STK33: variants seen among roughly 807,000 people sequenced by gnomAD.
STK33 encodes the protein serine/threonine-protein kinase 33.
Under a neutral mutation model 58.0 loss-of-function variants are expected in STK33, and 52 were observed. The ratio of observed to expected loss-of-function variants is 0.90; its 90% CI spans 0.72 to 1.13. The LOEUF is 1.13. STK33 is among the 50% of genes most tolerant of loss of function. The pLI, the probability that STK33 is intolerant of heterozygous loss-of-function variation, is 0.00. For missense variants in STK33, 630 were observed against 604.2 expected (o/e 1.04, Z -0.45); for synonymous variants, 215 against 200.1 (o/e 1.07, Z -0.63).
chr11:8,539,788 A>G (rs1955360762), intron 1 of STK33, among the ~76,000 whole-genome samples: 1 of 152,218 alleles, frequency 6.6e-6, no homozygotes, highest in African/African-American at 2.4e-5. Flanking sequence ...AGGTTACATT[A>G]CACCCTTAAT....
intron 1 of STK33, among the ~76,000 whole-genome samples, chr11:8,585,694 G>A (rs960930177): frequency 4.6e-5 from 7 of 151,970 alleles, no homozygotes; most frequent in African/African-American, 9.7e-5. Flanking sequence ...CAGATTGCTT[G>A]AGCCCAGGAG....
At chr11:8,336,092 T>G in the STK33 span, among the ~76,000 whole-genome samples, 8,557 of 152,176 alleles carry the variant, frequency 0.056, 762 homozygotes, top group African/African-American at 0.19. Context: ...CCCAGGGCAC[T>G]GAGATGGAAG....
At chr11:8,583,661 C>G (rs2030869613) in intron 1 of STK33, among the ~76,000 whole-genome samples, 1 of 151,966 alleles carries the variant, frequency 6.6e-6, no homozygotes, top group African/African-American at 2.4e-5. Context: ...TGTAATATGA[C>G]CAAAACTTTC....
intron 1 of STK33, among the ~76,000 whole-genome samples, chr11:8,582,565 A>G (rs1246145189): frequency 6.6e-6 from 1 of 152,180 alleles, no homozygotes; most frequent in Non-Finnish European, 1.5e-5. Context: ...TCTCACGAGA[A>G]CAGCATCAGG....
chr11:8,361,662 G>A, the STK33 span, among the ~76,000 whole-genome samples: 3 of 152,184 alleles, frequency 2.0e-5, no homozygotes, highest in Non-Finnish European at 2.9e-5. The surrounding 1 kb of genome is among the most constrained non-coding windows in gnomAD (Gnocchi z 4.8). Flanking sequence ...AGCCTAGCTT[G>A]TCTCCTCTGC....
rs896766964 is a variant in STK33 at position 8,430,746 on chromosome 11, G to A, written c.1146+4748C>T. ...GGGACCATGCCAGACTGATCCTTGT[G>A]TCCTCCAAAGCACATAGTAGCTATC... On this transcript the variant is annotated intron_variant, in intron 14 of 15. Coordinates refer to ENST00000687296, the MANE Select transcript of STK33 (RefSeq NM_001352389.2). 4.6e-5 allele frequency among the ~76,000 whole-genome samples: 7 copies of A among 152,154 alleles called. No homozygotes were observed. The East Asian group carries it at 1.4e-3, about 29-fold the overall frequency.
At chr11:8,539,454 A>G (rs189915353) in intron 1 of STK33, among the ~76,000 whole-genome samples, 118 of 152,262 alleles carry the variant, frequency 7.7e-4, no homozygotes, top group Non-Finnish European at 1.4e-3. Flanking sequence ...GCTGGCCAAT[A>G]TGAAGATGAA....
chr11:8,493,808 T>C (rs1228217276), intron 1 of STK33, among the ~76,000 whole-genome samples: 3 of 152,094 alleles, frequency 2.0e-5, no homozygotes, highest in Non-Finnish European at 4.4e-5. Flanking sequence ...CAAATCACTA[T>C]ATGTAATCCA....
the STK33 span, among the ~76,000 whole-genome samples, chr11:8,345,945 A>G: frequency 6.6e-6 from 1 of 152,212 alleles, no homozygotes; most frequent in Non-Finnish European, 1.5e-5. Context: ...GCAACCGTGC[A>G]CTAGGTGGTT....
intron 11 of STK33, 59 bp downstream of exon 11, chr11:8,452,763 G>A: frequency 3.4e-6 from 5 of 1,484,202 alleles, no homozygotes; most frequent in Non-Finnish European, 4.7e-6. Context: ...ACTCCAGCCT[G>A]GGCAACAGAG....
intron 15 of STK33, 133 bp from the exon 16 acceptor site, chr11:8,392,843 T>C: frequency 1.3e-6 from 1 of 742,534 alleles, no homozygotes; most frequent in Non-Finnish European, 2.2e-6. Context: ...AAACTAGTCA[T>C]ATTGTAAAAT....
chr11:8,473,307 A>AC, intron 5 of STK33, 31 bp from the exon 6 acceptor site: 1 of 1,336,434 alleles, frequency 7.5e-7, no homozygotes, highest in Non-Finnish European at 1.1e-6. Context: ...AAAAAAAAAA[A>AC]ACTTTAAGAT....
chr11:8,435,625 T>A, intron 13 of STK33, 46 bp from the exon 14 acceptor site: 1 of 1,175,908 alleles, frequency 8.5e-7, no homozygotes, highest in Non-Finnish European at 1.2e-6. Flanking sequence ...TAACTACAAT[T>A]AATAGCATAC....
chr11:8,575,484 T>A (rs1033679664), intron 1 of STK33, among the ~76,000 whole-genome samples: 1 of 152,100 alleles, frequency 6.6e-6, no homozygotes, highest in African/African-American at 2.4e-5. Context: ...CTCAATGAAA[T>A]AAGTCAGACA....
intron 1 of STK33, among the ~76,000 whole-genome samples, chr11:8,511,005 T>C (rs1016225903): frequency 2.0e-5 from 3 of 152,172 alleles, no homozygotes; most frequent in African/African-American, 4.8e-5. Flanking sequence ...ATTTTGGTAT[T>C]GTTTTTCTAG....
intron 14 of STK33, among the ~76,000 whole-genome samples, chr11:8,421,795 T>C (rs1010219031): frequency 2.0e-5 from 3 of 152,178 alleles, no homozygotes; most frequent in African/African-American, 7.2e-5. Context: ...TCTTATGTCA[T>C]GTTTATTACT....
intron 15 of STK33, among the ~76,000 whole-genome samples, chr11:8,402,620 A>T: frequency 6.6e-6 from 1 of 152,032 alleles, no homozygotes; most frequent in East Asian, 1.9e-4. Flanking sequence ...TATAATAATA[A>T]AAAAAAGAAT....
chr11:8,410,348 T>C (rs1441482605), intron 15 of STK33, among the ~76,000 whole-genome samples: 1 of 152,194 alleles, frequency 6.6e-6, no homozygotes, highest in African/African-American at 2.4e-5. Context: ...TTCTACTTTC[T>C]AGCCTAGATA....
chr11:8,437,652 T>G (rs113912067), intron 12 of STK33, among the ~76,000 whole-genome samples: 1 of 47,572 alleles, frequency 2.1e-5, no homozygotes, highest in South Asian at 1.1e-3. Context: ...TTTCTTTATA[T>G]TTTTCTTTAT....
Sources: gnomAD v4.1 joint callset for allele counts (sites outside exome capture counted in the v4.1 genomes callset) on GRCh38, gnomAD v4.1.1 for gene constraint, Gnocchi (gnomAD v3.1) non-coding constraint, MANE v1.5 for transcripts, NCBI Gene and HGNC (gene_info 2026-07-23, HGNC 2026-07-21) for gene names.